The following SLC39A14 variants were observed in gnomAD, a reference collection of about 807,000 sequenced individuals.
SLC39A14 encodes the protein solute carrier family 39 member 14, also known as metal cation symporter ZIP14.
In SLC39A14, 19 loss-of-function variants were observed where a neutral mutation model predicts 45.5. That is an observed-to-expected ratio of 0.42 (90% CI 0.29 to 0.61). SLC39A14 has a LOEUF of 0.61. Among genes scored for constraint, SLC39A14 ranks in the 20% least tolerant of loss-of-function variants. SLC39A14 has a pLI of 0.22. For synonymous variants in SLC39A14, 264 were observed against 251.3 expected (o/e 1.05, Z -0.48); for missense variants, 447 against 616.5 (o/e 0.73, Z 2.91).
At chr8:22,391,811 G>T (rs1183836306) in intron 1 of SLC39A14, among the ~76,000 whole-genome samples, 1 of 152,066 alleles carries the variant, frequency 6.6e-6, no homozygotes, top group Non-Finnish European at 1.5e-5. Context: ...CTCGTGATCC[G>T]CCTGCCTTGG....
chr8:22,376,791 T>A (rs1393076658), intron 1 of SLC39A14, among the ~76,000 whole-genome samples: 1 of 151,916 alleles, frequency 6.6e-6, no homozygotes, highest in African/African-American at 2.4e-5. Context: ...GACAGGAGAA[T>A]CGCTTGAACC....
At chr8:22,411,738 A>C in intron 3 of SLC39A14, 15 of 321,924 alleles carry the variant, frequency 4.7e-5, no homozygotes, top group East Asian at 1.4e-4. Context: ...TGGGGCCACC[A>C]GTGGCCACAG....
At position 22,421,653 on chromosome 8, in the gene SLC39A14, A is replaced by T; in HGVS notation, c.*1955A>T. ...CAGGAGCTAGCAGAAAATAACTCAA[A>T]GTTGAAGACTCTGGAAGATTTTGCT... On this transcript the variant is annotated 3_prime_UTR_variant, in exon 9 of 9. Transcript: ENST00000381237. 1 of 985,762 alleles carries T rather than the reference A, an allele frequency of 1.0e-6. No homozygotes were observed. The highest frequency in any genetic ancestry group is 1.2e-6 in the Non-Finnish European group (1 of 829,864). The allele number at this position is 985,762 out of a possible 1,614,324, so 61.1% of individuals were successfully genotyped here.
At chr8:22,388,451 C>A (rs1833899130) in intron 1 of SLC39A14, among the ~76,000 whole-genome samples, 1 of 151,946 alleles carries the variant, frequency 6.6e-6, no homozygotes, top group Non-Finnish European at 1.5e-5. Context: ...GTGAGGGTGA[C>A]AGTGGGTAGG....
At chr8:22,413,927 C>G (rs761256898) in intron 4 of SLC39A14, among the ~76,000 whole-genome samples, 5 of 152,064 alleles carry the variant, frequency 3.3e-5, no homozygotes, top group Non-Finnish European at 7.4e-5. Context: ...GGTGTGCCAC[C>G]AGGCCCAGCT....
rs548136586 is a variant in SLC39A14, at chr8:22,398,776, C to G, written c.-15-5920C>G. 4.0e-5 allele frequency: 39 copies of G among 984,836 alleles called. No individual in the cohort carries two copies. In the African/African-American group the frequency reaches 6.6e-4, roughly 17 times the overall value. The allele number at this position is 984,836 out of a possible 1,614,324, so 61.0% of individuals were successfully genotyped here. On this transcript the variant is annotated intron_variant, in intron 1 of 8. Transcript: ENST00000381237. ...GTGCCGCTTCTAGGCAGAGCTACTT[C>G]TGGACCAAGTGAAGGGTGACGGTAG...
chr8:22,407,866 A>G (rs373738200), intron 2 of SLC39A14, among the ~76,000 whole-genome samples: 69 of 151,662 alleles, frequency 4.5e-4, no homozygotes, highest in Admixed American at 7.2e-4. Context: ...ATGTGCCGCC[A>G]CACCTCACTA....
chr8:22,377,163 T>C (rs554406868), intron 1 of SLC39A14, among the ~76,000 whole-genome samples: 1 of 152,330 alleles, frequency 6.6e-6, no homozygotes, highest in African/African-American at 2.4e-5. Context: ...AATCAGATTT[T>C]GTTCTGTGGG....
intron 1 of SLC39A14, among the ~76,000 whole-genome samples, chr8:22,399,179 G>A (rs975395875): frequency 6.6e-6 from 1 of 152,192 alleles, no homozygotes; most frequent in African/African-American, 2.4e-5. Flanking sequence ...GGCCACACAT[G>A]GAATGGAACC....
At chr8:22,428,441 CTTTTT>C (rs59846887) in intron 8 of SLC39A14, among the ~76,000 whole-genome samples, 2 of 116,420 alleles carry the variant, frequency 1.7e-5, no homozygotes, top group African/African-American at 6.3e-5. Context: ...TTCATATGTT[CTTTTT>C]TTTTTTTTTT....
chr8:22,397,580 A>G (rs1834573294), intron 1 of SLC39A14, among the ~76,000 whole-genome samples: 1 of 149,874 alleles, frequency 6.7e-6, no homozygotes, highest in Non-Finnish European at 1.5e-5. Flanking sequence ...AAAGAGCGAG[A>G]CTCCGTCCCA....
chr8:22,417,708 A>C lies in SLC39A14; in HGVS notation c.1205A>C (p.Asn402Thr). The C allele has an allele frequency of 6.2e-7, 1 of 1,614,008 alleles. No individual in the cohort carries two copies. The highest frequency in any genetic ancestry group is 8.5e-7 in the Non-Finnish European group (1 of 1,179,980). The change falls in exon 8 of 9, where the codon AAC (asparagine) becomes ACC (threonine). Residue 402 changes from asparagine (N) to threonine (T), a missense_variant. By Grantham distance (65) the Asn-to-Thr change is moderately conservative. Around this residue, in one of 2 missense-constraint regions of SLC39A14, gnomAD observed 105 missense variants for 188.4 expected, o/e 0.56. Coordinates refer to ENST00000381237, the MANE Select transcript of SLC39A14 (RefSeq NM_001128431.4). ...AGCATCCAACAAGCTCTCTTCTTCA[A>C]CTTCCTTTCTGCCTGCTGCTGCTAC... ...GMSIQQALFF[N>T]FLSACCCYLG...
rs751412151 is a variant in SLC39A14, at chr8:22,415,722, G to C, written c.751-47G>C. On this transcript the variant is annotated intron_variant, in intron 5 of 8. Coordinates refer to ENST00000381237, the MANE Select transcript of SLC39A14 (RefSeq NM_001128431.4). The stretch of plus-strand genomic sequence containing the variant: ...TTGGAGCAGGTGCTCAATCAGGTTT[G>C]TGGTTTTGGTGAATGTCATGCTGAT... The C allele has an allele frequency of 4.4e-6, 7 of 1,575,414 alleles. No homozygotes were observed. In the East Asian group the frequency reaches 1.6e-4, roughly 35 times the overall value.
At chr8:22,389,023 G>A (rs955081576) in intron 1 of SLC39A14, among the ~76,000 whole-genome samples, 8 of 152,116 alleles carry the variant, frequency 5.3e-5, no homozygotes, top group African/African-American at 1.4e-4. Flanking sequence ...GAGCAGGGAC[G>A]ACGCAGGGGC....
chr8:22,411,009 C>T (rs1835536339), intron 3 of SLC39A14, among the ~76,000 whole-genome samples: 1 of 152,218 alleles, frequency 6.6e-6, no homozygotes, highest in Non-Finnish European at 1.5e-5. Flanking sequence ...GATGCCATGC[C>T]TTGCCTGTTC....
At chr8:22,424,337 C>T (rs1836345602), downstream of SLC39A14, among the ~76,000 whole-genome samples, 1 of 152,050 alleles carries the variant, frequency 6.6e-6, no homozygotes, top group South Asian at 2.1e-4. Flanking sequence ...ATCTGTTTTT[C>T]TTCGACAACA....
At chr8:22,408,966 G>A (rs975879263) in intron 3 of SLC39A14, among the ~76,000 whole-genome samples, 4 of 151,018 alleles carry the variant, frequency 2.6e-5, no homozygotes, top group South Asian at 2.1e-4. Context: ...GACTACAGGC[G>A]TGCACCGCCA....
intron 3 of SLC39A14, chr8:22,411,768 C>T (rs1835582968): frequency 4.9e-6 from 2 of 411,010 alleles, no homozygotes; most frequent in Admixed American, 7.5e-5. Context: ...TCACAGGGTT[C>T]CAAGGCCACC....
At chr8:22,409,868 G>T in intron 3 of SLC39A14, 1 of 1,525,564 alleles carries the variant, frequency 6.6e-7, no homozygotes, top group African/African-American at 1.4e-5. Flanking sequence ...CCTGAATTCA[G>T]AACAGGGCCG....
Sources: allele counts gnomAD v4.1 joint callset (sites outside exome capture counted in the v4.1 genomes callset), GRCh38; gene constraint gnomAD v4.1.1; regional missense constraint gnomAD v4.1.1; transcripts MANE v1.5; gene names NCBI Gene and HGNC (gene_info 2026-07-23, HGNC 2026-07-21).